The following GSK3B variants were observed in gnomAD, a reference collection of about 807,000 sequenced individuals.
The protein encoded by GSK3B is glycogen synthase kinase 3 beta.
GSK3B carries 15 observed loss-of-function variants against 56.4 expected under a neutral mutation model. The observed-to-expected ratio is 0.27, with a 90% confidence interval of 0.18 to 0.41. The LOEUF (loss-of-function observed/expected upper bound fraction) is 0.41, where lower values mean the gene tolerates loss of function less well. GSK3B is among the 10% of genes least tolerant of loss of function. The pLI is 1.00. For synonymous variants in GSK3B, 181 were observed against 188.9 expected, an observed-to-expected ratio of 0.96 and a Z score of 0.34; for missense variants, 300 against 513.4, an observed-to-expected ratio of 0.58 and a Z score of 4.02.
chr3:119,964,512 C>T lies in GSK3B; in HGVS notation c.283-17161G>A, dbSNP rs943469211. On this transcript the variant is annotated intron_variant, in intron 2 of 10. Transcript: ENST00000264235. ...GCTATGCTAAGCAAAATAAGTTAGT[C>T]ACAGAAGGAGAAATACTGCATTATT... Among the ~76,000 whole-genome samples the T allele has an allele frequency of 3.9e-5, 6 of 152,042 alleles. No individual in the cohort carries two copies. The East Asian group carries it at 7.7e-4, about 20-fold the overall frequency.
chr3:119,847,561 T>C (rs931359051), intron 9 of GSK3B, among the ~76,000 whole-genome samples: 1 of 152,012 alleles, frequency 6.6e-6, no homozygotes, highest in African/African-American at 2.4e-5. Flanking sequence ...TATCTCAAAC[T>C]AGCTAACTGA....
intron 2 of GSK3B, among the ~76,000 whole-genome samples, chr3:119,987,166 G>T (rs2057524181): frequency 6.6e-6 from 1 of 152,130 alleles, no homozygotes; most frequent in Non-Finnish European, 1.5e-5. Flanking sequence ...TCACACACTG[G>T]GGACTGTAAG....
At chr3:120,092,638 T>C (rs1028337335) in intron 1 of GSK3B, among the ~76,000 whole-genome samples, 2 of 152,224 alleles carry the variant, frequency 1.3e-5, no homozygotes, top group Non-Finnish European at 2.9e-5. Context: ...GTTGGTAATG[T>C]CAAAACAGGA....
At chr3:119,923,159 A>T (rs2056859817) in intron 4 of GSK3B, among the ~76,000 whole-genome samples, 1 of 152,240 alleles carries the variant, frequency 6.6e-6, no homozygotes, top group South Asian at 2.1e-4. Context: ...GTAATTTACC[A>T]GAATATCTTT....
intron 3 of GSK3B, among the ~76,000 whole-genome samples, chr3:119,933,046 G>A (rs2056961958): frequency 2.0e-5 from 3 of 151,988 alleles, no homozygotes; most frequent in Admixed American, 6.5e-5. Context: ...TGCAGTGATC[G>A]AAATCATGCC....
intron 1 of GSK3B, among the ~76,000 whole-genome samples, chr3:120,026,615 G>T (rs1251284300): frequency 6.7e-6 from 1 of 150,152 alleles, no homozygotes; most frequent in Non-Finnish European, 1.5e-5. Context: ...GCCCAGGCTA[G>T]AGGGCAATCT....
chr3:119,965,807 T>A (rs527854336), intron 2 of GSK3B, among the ~76,000 whole-genome samples: 1 of 151,766 alleles, frequency 6.6e-6, no homozygotes, highest in South Asian at 2.1e-4. Context: ...AAAAATAATT[T>A]AAAAAAATTT....
At chr3:119,902,808 G>A (rs535578088) in intron 7 of GSK3B, among the ~76,000 whole-genome samples, 13 of 152,134 alleles carry the variant, frequency 8.5e-5, no homozygotes, top group East Asian at 7.7e-4. Flanking sequence ...TTTGTCTCCC[G>A]GGCTGAAGCT....
chr3:120,013,512 T>C (rs1403927814), intron 1 of GSK3B, among the ~76,000 whole-genome samples: 1 of 152,168 alleles, frequency 6.6e-6, no homozygotes, highest in Non-Finnish European at 1.5e-5. Flanking sequence ...GAGAGTTAAG[T>C]CTGCAATGAC....
chr3:119,924,781 G>C (rs1177503227), intron 3 of GSK3B, among the ~76,000 whole-genome samples: 1 of 151,676 alleles, frequency 6.6e-6, no homozygotes, highest in African/African-American at 2.4e-5. Context: ...ACTTTTAATG[G>C]AACAGAGCTA....
intron 8 of GSK3B, chr3:119,866,446 T>C (rs984400988): frequency 1.4e-6 from 1 of 718,248 alleles, no homozygotes; most frequent in African/African-American, 1.8e-5. Context: ...TGCCATACAG[T>C]GAATAAAAAC....
At position 119,914,738 on chromosome 3, in the gene GSK3B, T is replaced by A. The variant is rs191625406; in HGVS notation, c.608+1306A>T. 3.3e-5 allele frequency among the ~76,000 whole-genome samples: 5 copies of A among 152,052 alleles called. No homozygotes were observed. The East Asian group carries it at 9.7e-4, about 29-fold the overall frequency. On this transcript the variant is annotated intron_variant, in intron 5 of 10. Transcript: ENST00000264235. ...GGACACATTGTGAGACTAAGAAAAATTAACTCATGACAGAACAGATTTACT... is the reference window on the plus strand; with the variant it reads ...GGACACATTGTGAGACTAAGAAAAAATAACTCATGACAGAACAGATTTACT...
intron 1 of GSK3B, among the ~76,000 whole-genome samples, chr3:120,082,801 T>A (rs1258453590): frequency 2.6e-5 from 4 of 152,226 alleles, no homozygotes; most frequent in Non-Finnish European, 5.9e-5. Context: ...TGATTACATC[T>A]TGATATATTA....
intron 3 of GSK3B, among the ~76,000 whole-genome samples, chr3:119,930,868 T>C (rs564151003): frequency 2.0e-5 from 3 of 152,340 alleles, no homozygotes; most frequent in African/African-American, 4.8e-5. Flanking sequence ...TATCCCTTTA[T>C]TGGCCACATA....
At chr3:120,030,304 A>T (rs1159177427) in intron 1 of GSK3B, among the ~76,000 whole-genome samples, 1 of 152,138 alleles carries the variant, frequency 6.6e-6, no homozygotes, top group African/African-American at 2.4e-5. Context: ...CTTTAAATAC[A>T]TGGTATTTAT....
chr3:119,846,316 G>A (rs918348634), intron 9 of GSK3B, among the ~76,000 whole-genome samples: 3 of 152,100 alleles, frequency 2.0e-5, no homozygotes, highest in Non-Finnish European at 2.9e-5. Flanking sequence ...TTAAACTAAA[G>A]AGCTTCTGCA....
intron 1 of GSK3B, among the ~76,000 whole-genome samples, chr3:120,048,858 A>G (rs1156491890): frequency 6.6e-6 from 1 of 152,210 alleles, no homozygotes; most frequent in Non-Finnish European, 1.5e-5. Flanking sequence ...AACTTAGCAC[A>G]TTCCATCTAA....
Position 119,826,657 on chromosome 3 carries a change from A to T in GSK3B, c.*131T>A. 1 of 719,844 alleles carries T rather than the reference A, an allele frequency of 1.4e-6. No individual in the cohort carries two copies. Among genetic ancestry groups the T allele is most frequent in the Non-Finnish European group, 2.6e-6 (1 of 389,914 alleles). The allele number at this position is 719,844 out of a possible 1,614,324, so 44.6% of individuals were successfully genotyped here. On this transcript the variant is annotated 3_prime_UTR_variant, in exon 11 of 11. Transcript: ENST00000264235. ...GTTAAATAAGAACAACAATAATAAT[A>T]AAAAAATTGAACACTAAAATGAACA...
At chr3:119,884,699 A>G (rs2056415505) in intron 7 of GSK3B, among the ~76,000 whole-genome samples, 2 of 152,146 alleles carry the variant, frequency 1.3e-5, no homozygotes, top group Admixed American at 6.6e-5. Flanking sequence ...CAGTGATTAT[A>G]CCATAAAAAA....
Sources: gnomAD v4.1 joint callset for allele counts (sites outside exome capture counted in the v4.1 genomes callset) on GRCh38, gnomAD v4.1.1 for gene constraint, MANE v1.5 for transcripts, NCBI Gene and HGNC (gene_info 2026-07-23, HGNC 2026-07-21) for gene names.